Variants in MAP7D1 observed in about 807,000 individuals in gnomAD.
The protein encoded by MAP7D1 is MAP7 domain containing 1.
Under a neutral mutation model 97.5 loss-of-function variants are expected in MAP7D1, and 30 were observed. That is an observed-to-expected ratio of 0.31 (90% CI 0.23 to 0.42). The LOEUF (loss-of-function observed/expected upper bound fraction) is 0.42. Among genes scored for constraint, MAP7D1 ranks in the 10% least tolerant of loss-of-function variants. The probability of loss-of-function intolerance (pLI) is 1.00; values close to 1 mark genes in which losing one functional copy is unlikely to be tolerated. For synonymous variants in MAP7D1, 536 were observed against 477.1 expected, an observed-to-expected ratio of 1.12 and a Z score of -1.61; for missense variants, 1,184 against 1,179.5, an observed-to-expected ratio of 1.00 and a Z score of -0.06.
rs539437425 is a variant in MAP7D1 at position 36,179,815 on chromosome 1, G to A, written c.2318+59G>A. On this transcript the variant is annotated intron_variant, in intron 15 of 16. Transcript: ENST00000474796. ...GGAGGCAGACTGCAGCTGGAGCTGC[G>A]GGGTGGCCTGGGCTTTCCTGGGAGG... The A allele has an allele frequency of 2.8e-5, 44 of 1,566,088 alleles. 1 individual carries two copies. The highest frequency in any genetic ancestry group is 2.7e-4 in the South Asian group (23 of 83,680).
rs1644539163 is a variant in MAP7D1, at chr1:36,171,245, ACCT to A, written c.326_328del (p.Pro109del). On this transcript the variant is annotated inframe_deletion, in exon 2 of 17. Transcript: ENST00000474796. ...CAGCCATGGGCCCACGGGATGCCAG[ACCT>A]CCTCGAAGGAGCAGCCAGCCATCTC... is the stretch of plus-strand genomic sequence containing the variant. 1.2e-6 allele frequency: 2 copies of A among 1,604,456 alleles called. No individual in the cohort carries two copies. Among genetic ancestry groups the A allele is most frequent in the South Asian group, 1.1e-5 (1 of 90,148 alleles).
Position 36,171,243 on chromosome 1 carries a change from A to G in MAP7D1, c.319A>G (p.Arg107Gly). 6.2e-7 allele frequency: 1 copy of G among 1,607,474 alleles called. No homozygotes were observed. The highest frequency in any genetic ancestry group is 1.1e-5 in the South Asian group (1 of 90,498). ...ACCAGCCATGGGCCCACGGGATGCCAGACCTCCTCGAAGGAGCAGCCAGCC... is the reference window on the plus strand; with the variant it reads ...ACCAGCCATGGGCCCACGGGATGCCGGACCTCCTCGAAGGAGCAGCCAGCC... The part of the protein sequence containing the change: ...TPPAMGPRDA[R>G]PPRRSSQPSP... The change falls in exon 2 of 17, where the codon AGA (arginine) becomes GGA (glycine). Residue 107 changes from arginine to glycine, a missense_variant. By Grantham distance (125) the Arg-to-Gly change is moderately radical (BLOSUM62 -2). Coordinates refer to ENST00000474796, the MANE Select transcript of MAP7D1 (RefSeq NM_001388490.1).
At chr1:36,177,482 C>A in intron 8 of MAP7D1, 1 of 469,982 alleles carries the variant, frequency 2.1e-6, no homozygotes, top group Middle Eastern at 3.2e-4. Flanking sequence ...TATGATGATG[C>A]CACTGCACTC....
chr1:36,173,491 G>T lies in MAP7D1; in HGVS notation c.739+13G>T. On this transcript the variant is annotated intron_variant, in intron 5 of 16. Coordinates refer to ENST00000474796, the MANE Select transcript of MAP7D1 (RefSeq NM_001388490.1). ...GGACATAAGACCAGTGAGTAGGCTG[G>T]AGGGGCTGGGGAGTGGGTGGGCAAG... 6.3e-7 allele frequency: 1 copy of T among 1,586,740 alleles called. No individual in the cohort carries two copies. Among genetic ancestry groups the T allele is most frequent in the Non-Finnish European group, 8.6e-7 (1 of 1,162,186 alleles).
chr1:36,161,483 TTAAG>T (rs1397226700), intron 1 of MAP7D1, among the ~76,000 whole-genome samples: 3 of 152,242 alleles, frequency 2.0e-5, no homozygotes, highest in East Asian at 3.8e-4. Context: ...GCTGTGGAGC[TTAAG>T]TAAGTGTCTT....
intron 1 of MAP7D1, among the ~76,000 whole-genome samples, chr1:36,156,830 TC>T (rs939431484): frequency 1.1e-4 from 16 of 151,940 alleles, no homozygotes; most frequent in Non-Finnish European, 2.1e-4. Flanking sequence ...AGGGCTTCCG[TC>T]CCCTTCCCCA....
rs1644703424 is a variant in MAP7D1 at position 36,180,588 on chromosome 1, T to C, written c.*330T>C. 2.5e-6 allele frequency: 1 copy of C among 405,424 alleles called. No individual in the cohort carries two copies. The highest frequency in any genetic ancestry group is 4.6e-6 in the Non-Finnish European group (1 of 217,622). The allele number at this position is 405,424 out of a possible 1,614,324, so 25.1% of individuals were successfully genotyped here. On this transcript the variant is annotated 3_prime_UTR_variant, in exon 17 of 17. Transcript: ENST00000474796. ...TTTGGTGGGGTACAGTGGATGTGAA[T>C]ACTGTAAATAGCTTGTGCTCAGACT...
In MAP7D1 at chr1:36,172,496, G is replaced by A; in HGVS notation, c.493G>A (p.Glu165Lys). ...GAAGGCAGTGTGGCTGGAGAAGGAG[G>A]AGAAGGCCAAGGCGCTGCGGGAGAA... ...AKKAVWLEKE[E>K]KAKALREKQL... The change falls in exon 4 of 17, where the codon GAG becomes AAG. Residue 165 changes from glutamate to lysine, a missense_variant. By Grantham distance (56) the Glu-to-Lys change is moderately conservative (BLOSUM62 1). Transcript: ENST00000474796. 6.3e-7 allele frequency: 1 copy of A among 1,596,580 alleles called. No homozygotes were observed. Among genetic ancestry groups the A allele is most frequent in the Non-Finnish European group, 8.6e-7 (1 of 1,167,422 alleles).
chr1:36,160,279 C>G lies in MAP7D1; in HGVS notation c.46+3816C>G, dbSNP rs145070344. Among the ~76,000 whole-genome samples the G allele has an allele frequency of 2.0e-5, 3 of 152,352 alleles. No individual in the cohort carries two copies. The East Asian group carries it at 5.8e-4, about 29-fold the overall frequency. Reference sequence around the variant, plus strand: ...GCCTTCAGTGTTTCCTCCACCACTTCTCAGCTGCAGCTCTGCCCTGAAGGG... The same window carrying G: ...GCCTTCAGTGTTTCCTCCACCACTTGTCAGCTGCAGCTCTGCCCTGAAGGG... On this transcript the variant is annotated intron_variant, in intron 1 of 16. Coordinates refer to ENST00000474796, the MANE Select transcript of MAP7D1 (RefSeq NM_001388490.1).
intron 1 of MAP7D1, among the ~76,000 whole-genome samples, chr1:36,163,202 C>CT (rs903568124): frequency 7.9e-5 from 12 of 152,170 alleles, no homozygotes; most frequent in Non-Finnish European, 1.5e-5. Context: ...TCTTGGAGCT[C>CT]TTAGGAAGAC....
At chr1:36,173,343 C>T in intron 4 of MAP7D1, 21 bp from the exon 5 acceptor site, 1 of 1,591,074 alleles carries the variant, frequency 6.3e-7, no homozygotes, top group Non-Finnish European at 8.6e-7. Context: ...ACATCTCTCT[C>T]TTCTCCCCAC....
chr1:36,172,691 G>A, intron 4 of MAP7D1, 64 bp downstream of exon 4: 3 of 1,416,498 alleles, frequency 2.1e-6, no homozygotes, highest in Non-Finnish European at 2.8e-6. Context: ...CTGGTGCAGT[G>A]TGTACACACA....
chr1:36,163,096 C>T (rs1331974542), intron 1 of MAP7D1, among the ~76,000 whole-genome samples: 1 of 152,080 alleles, frequency 6.6e-6, no homozygotes, highest in Non-Finnish European at 1.5e-5. Flanking sequence ...TGCCAGCTCT[C>T]AGAGGGTGGA....
At chr1:36,180,180 G>A in intron 16 of MAP7D1, 68 bp from the exon 17 acceptor site, 1 of 1,612,666 alleles carries the variant, frequency 6.2e-7, no homozygotes, top group South Asian at 1.1e-5. Context: ...GCTCCACCCT[G>A]AAGACCCCCA....
At position 36,179,017 on chromosome 1, in the gene MAP7D1, C is replaced by A; in HGVS notation, c.2122C>A (p.Arg708Ser). Residue 708 changes from arginine (R) to serine (S), a missense_variant, in exon 12 of 17, where the codon CGC (arginine) becomes AGC (serine). Transcript: ENST00000474796. ...GCAGCAGGAGCAAGAGCGGCAAGAG[C>A]GCAGAAAGGTGTGCGGACCTGGGCG... The part of the protein sequence containing the change: ...FQQQEQERQE[R>S]RKRLEEIMKR... 1 of 1,551,870 alleles carries A rather than the reference C, an allele frequency of 6.4e-7. No individual in the cohort carries two copies. Among genetic ancestry groups the A allele is most frequent in the South Asian group, 1.2e-5 (1 of 84,190 alleles).
chr1:36,179,332 AGGGCAGTGCT>A lies in MAP7D1; in HGVS notation c.2184+22_2184+31del. ...GAAACCAAGGTCAGAATTCCCCCGA[AGGGCAGTGCT>A]GGGCGTGGGGGGCAGGGTGTGAAAA... On this transcript the variant is annotated intron_variant, in intron 13 of 16. Transcript: ENST00000474796. 1 of 1,613,840 alleles carries A rather than the reference AGGGCAGTGCT, an allele frequency of 6.2e-7. No homozygotes were observed. The highest frequency in any genetic ancestry group is 8.5e-7 in the Non-Finnish European group (1 of 1,179,840).
In MAP7D1 at chr1:36,156,242, C is replaced by A; in HGVS notation, c.-176C>A. On this transcript the variant is annotated 5_prime_UTR_variant, in exon 1 of 17. Coordinates refer to ENST00000474796, the MANE Select transcript of MAP7D1 (RefSeq NM_001388490.1). ...GCCGAGAGACCCCGGGCGACCGGCACCTCCGAGACTCGCGGGCCACCTGCC... is the reference window on the plus strand; with the variant it reads ...GCCGAGAGACCCCGGGCGACCGGCAACTCCGAGACTCGCGGGCCACCTGCC... 2.2e-6 allele frequency: 1 copy of A among 457,748 alleles called. No homozygotes were observed. 28.4% of individuals were successfully genotyped at this position (457,748 alleles called of 1,614,324 possible).
At chr1:36,163,320 C>T (rs1472209923) in intron 1 of MAP7D1, among the ~76,000 whole-genome samples, 2 of 152,166 alleles carry the variant, frequency 1.3e-5, no homozygotes, top group East Asian at 3.8e-4. Context: ...TCATTCTTAA[C>T]AAATACTTCT....
At position 36,156,296 on chromosome 1, in the gene MAP7D1, C is replaced by T. The variant is rs946478150; in HGVS notation, c.-122C>T. The T allele has an allele frequency of 2.6e-6, 2 of 773,766 alleles. No homozygotes were observed. The highest frequency in any genetic ancestry group is 3.7e-6 in the Non-Finnish European group (2 of 547,486). 47.9% of individuals were successfully genotyped at this position (773,766 alleles called of 1,614,324 possible). A position where few individuals can be genotyped will look rare whatever the true frequency, so the allele number is the denominator to read the frequency against. The stretch of plus-strand genomic sequence containing the variant: ...ACCTTCCCCGGAGCGCCCCCGCCTC[C>T]GAGTCGCTACTTGCCGGGCCGGGCC... On this transcript the variant is annotated 5_prime_UTR_variant, in exon 1 of 17. Coordinates refer to ENST00000474796, the MANE Select transcript of MAP7D1 (RefSeq NM_001388490.1).
Sources: allele counts gnomAD v4.1 joint callset (sites outside exome capture counted in the v4.1 genomes callset), GRCh38; gene constraint gnomAD v4.1.1; transcripts MANE v1.5; gene names NCBI Gene and HGNC (gene_info 2026-07-23, HGNC 2026-07-21).